WIPF2: variants seen among roughly 807,000 people sequenced by gnomAD.
The protein encoded by WIPF2 is WAS/WASL interacting protein family member 2.
WIPF2 carries 23 observed loss-of-function variants against 38.8 expected under a neutral mutation model. The observed-to-expected ratio is 0.59, with a 90% CI of 0.43 to 0.84. The LOEUF (loss-of-function observed/expected upper bound fraction) is 0.84, where lower values mean the gene tolerates loss of function less well. Among genes scored for constraint, WIPF2 ranks in the 40% least tolerant of loss-of-function variants. The pLI is 0.00. For missense variants in WIPF2, 574 were observed against 580.5 expected (o/e 0.99, Z 0.11); for synonymous variants, 210 against 223.2 (o/e 0.94, Z 0.53).
chr17:40,276,515 C>T (rs909928038), intron 6 of WIPF2, among the ~76,000 whole-genome samples: 6 of 91,212 alleles, frequency 6.6e-5, no homozygotes, highest in African/African-American at 1.1e-4. Flanking sequence ...AGTGAGACTC[C>T]GTCTCAAAAA....
chr17:40,267,203 G>C (rs886426576), intron 5 of WIPF2, among the ~76,000 whole-genome samples: 15 of 152,130 alleles, frequency 9.9e-5, no homozygotes, highest in African/African-American at 3.1e-4. Flanking sequence ...GTGATTTGCA[G>C]GTACAGAAAA....
At chr17:40,241,394 C>G (rs1201321631) in intron 1 of WIPF2, among the ~76,000 whole-genome samples, 1 of 152,216 alleles carries the variant, frequency 6.6e-6, no homozygotes, top group African/African-American at 2.4e-5. Flanking sequence ...TAGCCTTCCC[C>G]TAATACTGCT....
chr17:40,223,020 A>G (rs2030319882), intron 1 of WIPF2, among the ~76,000 whole-genome samples: 1 of 151,454 alleles, frequency 6.6e-6, no homozygotes, highest in Non-Finnish European at 1.5e-5. Flanking sequence ...AAAAGTAAAA[A>G]TTTCATATTG....
At position 40,276,992 on chromosome 17, in the gene WIPF2, G is replaced by A; in HGVS notation, c.1181-91G>A. On this transcript the variant is annotated intron_variant, in intron 6 of 7. Transcript: ENST00000323571. Reference sequence around the variant, plus strand: ...CCTCACAGTACCTCAGAATGCCTGAGAGATTAGTAAGTGGGGAGGGTCGAA... The same window carrying A: ...CCTCACAGTACCTCAGAATGCCTGAAAGATTAGTAAGTGGGGAGGGTCGAA... 4 of 1,125,012 alleles carry A rather than the reference G, an allele frequency of 3.6e-6. No individual in the cohort carries two copies. The South Asian group carries it at 5.8e-5, about 16-fold the overall frequency. The allele number at this position is 1,125,012 out of a possible 1,614,324, so 69.7% of individuals were successfully genotyped here. A position where few individuals can be genotyped will look rare whatever the true frequency, so the allele number is the denominator to read the frequency against.
chr17:40,277,050 A>G (rs560136160), intron 6 of WIPF2, 33 bp from the exon 7 acceptor site: 1 of 1,568,834 alleles, frequency 6.4e-7, no homozygotes, highest in South Asian at 1.1e-5. Context: ...ACAAGCAAGG[A>G]TGATAGGAAT....
intron 1 of WIPF2, among the ~76,000 whole-genome samples, chr17:40,248,137 T>TAAA (rs1406435352): frequency 2.0e-5 from 3 of 151,280 alleles, no homozygotes; most frequent in African/African-American, 7.3e-5. Context: ...CAGTTTTTTT[T>TAAA]TTTAATAAAA....
intron 1 of WIPF2, among the ~76,000 whole-genome samples, chr17:40,255,352 C>T (rs1381629592): frequency 3.3e-5 from 5 of 151,548 alleles, no homozygotes. Flanking sequence ...GACAGAGTTT[C>T]TCTCTTGTTG....
intron 1 of WIPF2, among the ~76,000 whole-genome samples, chr17:40,250,824 C>T (rs1049810476): frequency 4.6e-5 from 7 of 150,928 alleles, no homozygotes; most frequent in African/African-American, 7.3e-5. Flanking sequence ...CCTATCTTCT[C>T]GGGAGGCTGA....
At chr17:40,264,098 C>T (rs372707332) in intron 4 of WIPF2, among the ~76,000 whole-genome samples, 12 of 151,812 alleles carry the variant, frequency 7.9e-5, no homozygotes, top group East Asian at 7.8e-4. Flanking sequence ...TTTGGGAAGC[C>T]GAGGTGGGCA....
rs930602459 is a variant in WIPF2 at position 40,219,394 on chromosome 17, G to GCGGCGGCGGCGT, written c.-163_-162insGCGGCGTCGGCG. 5.0e-5 allele frequency: 21 copies of GCGGCGGCGGCGT among 416,486 alleles called. 1 individual carries two copies. Among genetic ancestry groups the GCGGCGGCGGCGT allele is most frequent in the Non-Finnish European group, 9.1e-5 (20 of 219,770 alleles). The allele number at this position is 416,486 out of a possible 1,614,324, so 25.8% of individuals were successfully genotyped here. A position where few individuals can be genotyped will look rare whatever the true frequency, so the allele number is the denominator to read the frequency against. On this transcript the variant is annotated 5_prime_UTR_variant, in exon 1 of 8. Transcript: ENST00000323571. ...GGCGGCGGCGGCGGCGGCGGCGGCG[G>GCGGCGGCGGCGT]CGGCGACGGCGAGAAAGAGCTTGCC... is the stretch of plus-strand genomic sequence containing the variant.
chr17:40,256,713 C>T (rs1398234912), intron 2 of WIPF2, among the ~76,000 whole-genome samples, 191 bp downstream of exon 2: 1 of 152,080 alleles, frequency 6.6e-6, no homozygotes, highest in East Asian at 1.9e-4. Flanking sequence ...ATACTTAGGG[C>T]TTCCTTGTAC....
At chr17:40,275,759 G>A (rs2032378552) in intron 6 of WIPF2, among the ~76,000 whole-genome samples, 1 of 151,976 alleles carries the variant, frequency 6.6e-6, no homozygotes, top group South Asian at 2.1e-4. Context: ...TAGAGATGAG[G>A]TTTTGCCATG....
intron 1 of WIPF2, among the ~76,000 whole-genome samples, chr17:40,232,076 G>A (rs1276161451): frequency 2.7e-5 from 4 of 145,750 alleles, no homozygotes; most frequent in Admixed American, 2.1e-4. Flanking sequence ...GCAGTGGTGT[G>A]ATGTCTGCTC....
At chr17:40,250,286 A>C (rs1014387517) in intron 1 of WIPF2, among the ~76,000 whole-genome samples, 8 of 113,020 alleles carry the variant, frequency 7.1e-5, no homozygotes, top group African/African-American at 2.8e-4. Context: ...GCTGGCGTGC[A>C]GTGGCGCATT....
chr17:40,280,739 A>G lies in WIPF2; in HGVS notation c.*2514A>G, dbSNP rs1257720868. On this transcript the variant is annotated 3_prime_UTR_variant, in exon 8 of 8. Coordinates refer to ENST00000323571, the MANE Select transcript of WIPF2 (RefSeq NM_133264.5). ...ACCCCAGCTTTTCACTGGGGCTGAT[A>G]TCTTCCTCCCCATGGCCCACTGCCC... 2 of 152,012 alleles carry G rather than the reference A, an allele frequency of 1.3e-5. No homozygotes were observed. Among genetic ancestry groups the G allele is most frequent in the Non-Finnish European group, 2.9e-5 (2 of 67,946 alleles). 9.4% of individuals were successfully genotyped at this position (152,012 alleles called of 1,614,324 possible). A position where few individuals can be genotyped will look rare whatever the true frequency, so the allele number is the denominator to read the frequency against.
intron 5 of WIPF2, among the ~76,000 whole-genome samples, chr17:40,268,545 C>T (rs967463625): frequency 5.9e-5 from 9 of 152,140 alleles, no homozygotes; most frequent in African/African-American, 2.2e-4. Context: ...CATTCTTTCT[C>T]TGTGGTAGCT....
intron 1 of WIPF2, among the ~76,000 whole-genome samples, chr17:40,220,946 T>G (rs2030208768): frequency 1.3e-5 from 2 of 151,724 alleles, no homozygotes; most frequent in South Asian, 4.2e-4. Flanking sequence ...TGGCTAATTT[T>G]TTTTTGAATT....
intron 1 of WIPF2, among the ~76,000 whole-genome samples, chr17:40,251,117 T>C (rs1041379854): frequency 4.6e-5 from 7 of 151,926 alleles, no homozygotes; most frequent in Non-Finnish European, 8.8e-5. Flanking sequence ...GGTTTCACTG[T>C]GTTAGCCAGG....
chr17:40,254,933 T>C (rs1213322837), intron 1 of WIPF2, among the ~76,000 whole-genome samples: 3 of 152,042 alleles, frequency 2.0e-5, no homozygotes, highest in East Asian at 1.9e-4. Flanking sequence ...GTTTCACATA[T>C]TGGTCAGGCT....
Sources: gnomAD v4.1 joint callset for allele counts (sites outside exome capture counted in the v4.1 genomes callset) on GRCh38, gnomAD v4.1.1 for gene constraint, MANE v1.5 for transcripts, NCBI Gene and HGNC (gene_info 2026-07-23, HGNC 2026-07-21) for gene names.